KCNRG: variants seen among roughly 807,000 people sequenced by gnomAD.
The protein encoded by KCNRG is potassium channel regulator.
In KCNRG, 17 loss-of-function variants were observed where a neutral mutation model predicts 17.7. The ratio of observed to expected loss-of-function variants is 0.96; its 90% CI spans 0.66 to 1.44. KCNRG has a LOEUF of 1.44. Among genes scored for constraint, KCNRG ranks in the 40% most tolerant of loss-of-function variants. The pLI, the probability that KCNRG is intolerant of heterozygous loss-of-function variation, is 0.00. For missense variants in KCNRG, 311 were observed against 321.1 expected (o/e 0.97, Z 0.24); for synonymous variants, 97 against 116.5 (o/e 0.83, Z 1.08).
At position 50,015,515 on chromosome 13, in the gene KCNRG, A is replaced by G; in HGVS notation, c.22A>G (p.Thr8Ala). 6.2e-7 allele frequency: 1 copy of G among 1,612,774 alleles called. No homozygotes were observed. Among genetic ancestry groups the G allele is most frequent in the Non-Finnish European group, 8.5e-7 (1 of 1,179,284 alleles). ...AAGAATGAGTAGTCAGGAACTGGTC[A>G]CTTTGAATGTGGGAGGGAAGATATT... is the stretch of plus-strand genomic sequence containing the variant. MSSQELV[T>A]LNVGGKIFTT... The change falls in exon 1 of 2, where the codon ACT becomes GCT. Residue 8 changes from threonine to alanine, a missense_variant. Coordinates refer to ENST00000312942, the MANE Select transcript of KCNRG (RefSeq NM_173605.2).
At chr13:50,018,783 A>C (rs936683758) in intron 1 of KCNRG, 1 of 156,628 alleles carries the variant, frequency 6.4e-6, no homozygotes, top group Non-Finnish European at 1.4e-5. Context: ...TGCTGACATT[A>C]TTGTTATTAT....
At position 50,020,453 on chromosome 13, in the gene KCNRG, G is replaced by C; in HGVS notation, c.818G>C (p.Ter273SerextTer51). ...IIPEQSQIKK* is the reference protein window; with the variant it reads ...IIPEQSQIKKS ...CCAGAGCAATCTCAGATAAAGAAAT[G>C]AAGTTGTCTATCCTCTTTTAAAGAG... The change falls in exon 2 of 2, where the codon TGA (stop) becomes TCA (serine). Residue 273 changes from the stop codon to serine, a stop_lost. Transcript: ENST00000312942. 2.5e-6 allele frequency: 4 copies of C among 1,612,264 alleles called. No homozygotes were observed. The highest frequency in any genetic ancestry group is 3.4e-6 in the Non-Finnish European group (4 of 1,179,424).
Position 50,015,448 on chromosome 13 carries a change from T to A in KCNRG, c.-46T>A. The A allele has an allele frequency of 2.2e-6, 3 of 1,377,412 alleles. No individual in the cohort carries two copies. The highest frequency in any genetic ancestry group is 3.0e-6 in the Non-Finnish European group (3 of 989,298). 85.3% of individuals were successfully genotyped at this position (1,377,412 alleles called of 1,614,324 possible). On this transcript the variant is annotated 5_prime_UTR_variant, in exon 1 of 2. Coordinates refer to ENST00000312942, the MANE Select transcript of KCNRG (RefSeq NM_173605.2). The stretch of plus-strand genomic sequence containing the variant: ...CAACATTTATGGTTATAGGTTGATT[T>A]CCTAAGTGTGGCTGATGGTAGCCTC...
chr13:50,016,125 T>A, intron 1 of KCNRG, 54 bp downstream of exon 1: 1 of 1,364,932 alleles, frequency 7.3e-7, no homozygotes, highest in Non-Finnish European at 1.0e-6. Flanking sequence ...ATGTTTTCTC[T>A]AAAAACTTGA....
intron 1 of KCNRG, chr13:50,016,546 C>T (rs1047457722): frequency 5.9e-6 from 1 of 169,726 alleles, no homozygotes; most frequent in Non-Finnish European, 1.4e-5. Flanking sequence ...TTTTTAAACA[C>T]CCTTAAAGAC....
At chr13:50,018,459 TG>T (rs1429906711) in intron 1 of KCNRG, 1 of 165,762 alleles carries the variant, frequency 6.0e-6, no homozygotes, top group Non-Finnish European at 1.5e-5. Flanking sequence ...AAACTTTTTT[TG>T]AGATGTGCTT....
intron 1 of KCNRG, chr13:50,017,063 A>T (rs754757944): frequency 6.0e-6 from 1 of 167,008 alleles, no homozygotes; most frequent in African/African-American, 2.4e-5. Context: ...CCTGTCCTTC[A>T]AAAGAGTTTG....
rs1594593494 is a variant in KCNRG, at chr13:50,015,595, G to A, written c.102G>A (p.Met34Ile). ...TTCCTGCTTCTCGTTTGGCACGCAT[G>A]TTAGATGGCAGAGACCAAGAATTCA... ...KQFPASRLAR[M>I]LDGRDQEFKM... is the part of the protein sequence containing the mutation. The change falls in exon 1 of 2, where the codon ATG (methionine) becomes ATA (isoleucine). Residue 34 changes from methionine to isoleucine, a missense_variant. Physicochemically the swap from Met to Ile is conservative, Grantham distance 10. Coordinates refer to ENST00000312942, the MANE Select transcript of KCNRG (RefSeq NM_173605.2). 9.9e-6 allele frequency: 16 copies of A among 1,614,168 alleles called. No individual in the cohort carries two copies. In the East Asian group the frequency reaches 3.1e-4, roughly 31 times the overall value.
chr13:50,018,539 AC>A (rs1876912423), intron 1 of KCNRG: 1 of 155,892 alleles, frequency 6.4e-6, no homozygotes, highest in Non-Finnish European at 1.5e-5. Context: ...AATGTGAACT[AC>A]AAAAACCACT....
Position 50,015,794 on chromosome 13 carries a change from T to C in KCNRG, c.301T>C (p.Tyr101His). ...LRSLVDLLNP[Y>H]LLQPRPALVE... is the part of the protein sequence containing the mutation. Reference sequence around the variant, plus strand: ...TTCTCTAGTTGATCTCTTAAACCCATACCTGCTACAGCCAAGACCTGCTCT... The same window carrying C: ...TTCTCTAGTTGATCTCTTAAACCCACACCTGCTACAGCCAAGACCTGCTCT... Residue 101 changes from tyrosine to histidine, a missense_variant, in exon 1 of 2, where the codon TAC becomes CAC. Transcript: ENST00000312942. The C allele has an allele frequency of 6.2e-7, 1 of 1,613,622 alleles. No individual in the cohort carries two copies. Among genetic ancestry groups the C allele is most frequent in the Non-Finnish European group, 8.5e-7 (1 of 1,179,698 alleles).
In KCNRG at chr13:50,015,922, T is replaced by G; in HGVS notation, c.429T>G (p.Phe143Leu). 1 of 1,614,112 alleles carries G rather than the reference T, an allele frequency of 6.2e-7. No homozygotes were observed. Among genetic ancestry groups the G allele is most frequent in the Non-Finnish European group, 8.5e-7 (1 of 1,179,986 alleles). The change falls in exon 1 of 2, where the codon TTT (phenylalanine) becomes TTG (leucine). Residue 143 changes from phenylalanine (F) to leucine (L), a missense_variant. By Grantham distance (22) the Phe-to-Leu change is conservative. Transcript: ENST00000312942. ...IEMLTGRITV[F>L]TEQPSAPTWN... ...TGCTAACAGGGAGGATTACAGTGTTTACAGAACAACCTTCAGCGCCGACCT... is the reference window on the plus strand; with the variant it reads ...TGCTAACAGGGAGGATTACAGTGTTGACAGAACAACCTTCAGCGCCGACCT...
chr13:50,020,042 GAAAAAAA>G (rs59250747), intron 1 of KCNRG, among the ~76,000 whole-genome samples, 165 bp from the exon 2 acceptor site: 1 of 124,998 alleles, frequency 8.0e-6, no homozygotes, highest in Non-Finnish European at 1.7e-5. Flanking sequence ...CATCTCAAAA[GAAAAAAA>G]AAAAAAATCA....
At position 50,020,732 on chromosome 13, in the gene KCNRG, C is replaced by T. The variant is rs757906286; in HGVS notation, c.*278C>T. On this transcript the variant is annotated 3_prime_UTR_variant, in exon 2 of 2. Coordinates refer to ENST00000312942, the MANE Select transcript of KCNRG (RefSeq NM_173605.2). Reference sequence around the variant, plus strand: ...CTTATGAGCCGAGATTGCGCCACTGCACACTAGCTTGGGTGACAGAGGAAG... The same window carrying T: ...CTTATGAGCCGAGATTGCGCCACTGTACACTAGCTTGGGTGACAGAGGAAG... 1.4e-4 allele frequency: 46 copies of T among 321,934 alleles called. No individual in the cohort carries two copies. Among genetic ancestry groups the T allele is most frequent in the Non-Finnish European group, 2.3e-4 (40 of 171,662 alleles). 19.9% of individuals were successfully genotyped at this position (321,934 alleles called of 1,614,324 possible).
Position 50,015,797 on chromosome 13 carries a change from C to G in KCNRG, c.304C>G (p.Leu102Val). Residue 102 changes from leucine (L) to valine (V), a missense_variant, in exon 1 of 2, where the codon CTG becomes GTG. Leu to Val is a conservative substitution (Grantham distance 32). Transcript: ENST00000312942. ...RSLVDLLNPYLLQPRPALVEV... is the reference protein window; with the variant it reads ...RSLVDLLNPYVLQPRPALVEV... ...TCTAGTTGATCTCTTAAACCCATAC[C>G]TGCTACAGCCAAGACCTGCTCTTGT... 6.2e-7 allele frequency: 1 copy of G among 1,614,100 alleles called. No individual in the cohort carries two copies. Among genetic ancestry groups the G allele is most frequent in the Non-Finnish European group, 8.5e-7 (1 of 1,179,982 alleles).
intron 1 of KCNRG, among the ~76,000 whole-genome samples, 179 bp from the exon 2 acceptor site, chr13:50,020,035 C>T (rs1259893831): frequency 4.0e-5 from 5 of 125,834 alleles, no homozygotes; most frequent in African/African-American, 5.9e-5. Flanking sequence ...AAGACTCCAT[C>T]TCAAAAGAAA....
At chr13:50,020,157 G>A in intron 1 of KCNRG, 57 bp from the exon 2 acceptor site, 1 of 1,556,042 alleles carries the variant, frequency 6.4e-7, no homozygotes, top group Non-Finnish European at 8.8e-7. Flanking sequence ...TATGTGTATA[G>A]TTTTGCTAGT....
In KCNRG at chr13:50,015,782, C is replaced by T. The variant is rs775187503; in HGVS notation, c.289C>T (p.Leu97Phe). ...CTATGAACTTCGTTCTCTAGTTGAT[C>T]TCTTAAACCCATACCTGCTACAGCC... ...LFYELRSLVD[L>F]LNPYLLQPRP... The change falls in exon 1 of 2, where the codon CTC becomes TTC. Residue 97 changes from leucine (L) to phenylalanine (F), a missense_variant. Leu to Phe is a conservative substitution (Grantham distance 22). Coordinates refer to ENST00000312942, the MANE Select transcript of KCNRG (RefSeq NM_173605.2). The T allele has an allele frequency of 6.2e-7, 1 of 1,614,092 alleles. No individual in the cohort carries two copies. The highest frequency in any genetic ancestry group is 8.5e-7 in the Non-Finnish European group (1 of 1,179,980).
rs536160299 is a variant in KCNRG at position 50,020,110 on chromosome 13, G to C, written c.579-104G>C. The stretch of plus-strand genomic sequence containing the variant: ...AAATTTCAAAAAAAAAATCTGTCTT[G>C]AGAAGGTATGATGCCTTTGAGGTTG... On this transcript the variant is annotated intron_variant, in intron 1 of 1. Transcript: ENST00000312942. 3.3e-4 allele frequency: 333 copies of C among 1,007,176 alleles called. 2 individuals are homozygous for C. The African/African-American group carries it at 4.5e-3, about 13-fold the overall frequency. 62.4% of individuals were successfully genotyped at this position (1,007,176 alleles called of 1,614,324 possible). A position where few individuals can be genotyped will look rare whatever the true frequency, so the allele number is the denominator to read the frequency against.
chr13:50,019,171 G>A (rs1876984651), intron 1 of KCNRG, among the ~76,000 whole-genome samples: 1 of 150,352 alleles, frequency 6.7e-6, no homozygotes, highest in Non-Finnish European at 1.5e-5. Flanking sequence ...TTGAGACGGA[G>A]TCTCGCTCTG....
Sources: gnomAD v4.1 joint callset for allele counts (sites outside exome capture counted in the v4.1 genomes callset) on GRCh38, gnomAD v4.1.1 for gene constraint, MANE v1.5 for transcripts, NCBI Gene and HGNC (gene_info 2026-07-23, HGNC 2026-07-21) for gene names.